Variants in DTNA observed in about 807,000 individuals in gnomAD.
The protein encoded by DTNA is dystrobrevin alpha.
DTNA carries 43 observed loss-of-function variants against 100.7 expected under a neutral mutation model. The ratio of observed to expected loss-of-function variants is 0.43; its 90% CI spans 0.33 to 0.55. The LOEUF (loss-of-function observed/expected upper bound fraction) is 0.55, where lower values mean the gene tolerates loss of function less well. DTNA is among the 20% of genes least tolerant of loss of function. The pLI, the probability that DTNA is intolerant of heterozygous loss-of-function variation, is 0.04. For missense variants in DTNA, 798 were observed against 953.9 expected, an observed-to-expected ratio of 0.84 and a Z score of 2.15; for synonymous variants, 349 against 347.9, an observed-to-expected ratio of 1.00 and a Z score of -0.04.
chr18:34,799,405 C>A (rs2095119311), intron 4 of DTNA, among the ~76,000 whole-genome samples: 1 of 152,106 alleles, frequency 6.6e-6, no homozygotes, highest in South Asian at 2.1e-4. Context: ...ATATTTAATG[C>A]AAAATGTACT....
intron 1 of DTNA, among the ~76,000 whole-genome samples, chr18:34,726,630 C>A (rs1322673335): frequency 6.6e-6 from 1 of 152,212 alleles, no homozygotes; most frequent in Non-Finnish European, 1.5e-5. Context: ...TCCTTCACTC[C>A]TTGTCCTGAA....
At chr18:34,670,815 G>T (rs1215833443) in intron 1 of DTNA, among the ~76,000 whole-genome samples, 1 of 152,174 alleles carries the variant, frequency 6.6e-6, no homozygotes, top group African/African-American at 2.4e-5. Flanking sequence ...AGCCGTGTGA[G>T]GTGTCAGTCT....
At chr18:34,659,884 A>G (rs1002692175) in intron 1 of DTNA, among the ~76,000 whole-genome samples, 1 of 152,206 alleles carries the variant, frequency 6.6e-6, no homozygotes, top group African/African-American at 2.4e-5. Flanking sequence ...ATGGCTGCCT[A>G]CGGCTGCTGA....
chr18:34,778,887 G>A (rs938848415), intron 3 of DTNA, among the ~76,000 whole-genome samples: 7 of 151,914 alleles, frequency 4.6e-5, no homozygotes, highest in Admixed American at 2.6e-4. Context: ...GCGTGATCTC[G>A]GCTCACTGCA....
chr18:34,609,384 A>G (rs573583523), intron 1 of DTNA, among the ~76,000 whole-genome samples: 86 of 151,630 alleles, frequency 5.7e-4, no homozygotes, highest in African/African-American at 1.8e-3. Flanking sequence ...GGCTGGGACT[A>G]CAGGTACCCG....
At chr18:34,666,186 T>G (rs1464294417) in intron 1 of DTNA, among the ~76,000 whole-genome samples, 1 of 152,232 alleles carries the variant, frequency 6.6e-6, no homozygotes, top group African/African-American at 2.4e-5. Flanking sequence ...TGATGAGCAT[T>G]TTTTCATGTG....
chr18:34,736,253 C>T (rs2089557871), intron 1 of DTNA, among the ~76,000 whole-genome samples: 1 of 152,196 alleles, frequency 6.6e-6, no homozygotes, highest in African/African-American at 2.4e-5. Flanking sequence ...TACTCACACA[C>T]TACACATATG....
chr18:34,672,576 C>T (rs953627911), intron 1 of DTNA, among the ~76,000 whole-genome samples: 3 of 152,062 alleles, frequency 2.0e-5, no homozygotes, highest in Non-Finnish European at 2.9e-5. Flanking sequence ...GTATAAAGTA[C>T]GTGAATAAAG....
At chr18:34,518,323 A>G (rs1328533242) in intron 1 of DTNA, among the ~76,000 whole-genome samples, 2 of 151,686 alleles carry the variant, frequency 1.3e-5, no homozygotes, top group Non-Finnish European at 2.9e-5. Flanking sequence ...TTTATATTCT[A>G]TATGTTGGAT....
intron 1 of DTNA, among the ~76,000 whole-genome samples, chr18:34,525,523 T>C (rs2042534686): frequency 6.6e-6 from 1 of 152,170 alleles, no homozygotes; most frequent in Admixed American, 6.6e-5. Context: ...GGAGGAAATG[T>C]TTAGATCTTT....
In DTNA at chr18:34,816,027, T is replaced by A; in HGVS notation, c.709+13T>A. ...AATGTGGAAAATGGTGAGTAGTTAC[T>A]AAGGAGCAAAGGTGATTTTTTAAAT... On this transcript the variant is annotated intron_variant, in intron 7 of 22. Transcript: ENST00000444659. 6.2e-7 allele frequency: 1 copy of A among 1,609,192 alleles called. No individual in the cohort carries two copies.
intron 3 of DTNA, among the ~76,000 whole-genome samples, chr18:34,775,664 G>T (rs1355630097): frequency 6.6e-6 from 1 of 152,222 alleles, no homozygotes; most frequent in African/African-American, 2.4e-5. Context: ...CTGACAGCCA[G>T]CAAGGAATAG....
chr18:34,713,573 T>A (rs1433011950), intron 1 of DTNA, among the ~76,000 whole-genome samples: 1 of 151,750 alleles, frequency 6.6e-6, no homozygotes, highest in Non-Finnish European at 1.5e-5. Flanking sequence ...GTGTGATGCC[T>A]CCAGCTTTGT....
At chr18:34,844,488 G>A (rs780745960) in intron 13 of DTNA, among the ~76,000 whole-genome samples, 2 of 151,914 alleles carry the variant, frequency 1.3e-5, no homozygotes, top group African/African-American at 4.8e-5. Flanking sequence ...TATTCCCTTA[G>A]CATTTTGCTC....
chr18:34,696,759 A>T (rs936862685), intron 1 of DTNA, among the ~76,000 whole-genome samples: 1 of 151,962 alleles, frequency 6.6e-6, no homozygotes, highest in African/African-American at 2.4e-5. Flanking sequence ...ATTTTTTTTT[A>T]ATTTAAATGA....
chr18:34,628,657 T>C (rs188035164), intron 1 of DTNA, among the ~76,000 whole-genome samples: 1 of 152,336 alleles, frequency 6.6e-6, no homozygotes, highest in African/African-American at 2.4e-5. Flanking sequence ...CTTTATTTGT[T>C]GTAATTGTCA....
At chr18:34,552,726 C>T (rs2045575504) in intron 1 of DTNA, among the ~76,000 whole-genome samples, 1 of 151,576 alleles carries the variant, frequency 6.6e-6, no homozygotes, top group African/African-American at 2.4e-5. Context: ...TTTATGGTTG[C>T]ATAGTATTCC....
In DTNA at chr18:34,866,243, G is replaced by A. The variant is rs554637066; in HGVS notation, c.1743+2181G>A. 29 of 1,599,534 alleles carry A rather than the reference G, an allele frequency of 1.8e-5. No individual in the cohort carries two copies. The South Asian group carries it at 2.3e-4, about 13-fold the overall frequency. ...ATGTTCATGCTTCAGTTTGGAAAGA[G>A]AAAAAAGTCATACTAATTTGCTTCT... On this transcript the variant is annotated intron_variant, in intron 17 of 22. Coordinates refer to ENST00000444659, the MANE Select transcript of DTNA (RefSeq NM_001386795.1).
In DTNA at chr18:34,818,876, T is replaced by C. The variant is rs147908958; in HGVS notation, c.876+546T>C. Among the ~76,000 whole-genome samples the C allele has an allele frequency of 2.2e-4, 34 of 151,952 alleles. No homozygotes were observed. In the East Asian group the frequency reaches 6.0e-3, roughly 27 times the overall value. Reference sequence around the variant, plus strand: ...TAGCAAACCATCTTTTCATGAAGAGTGTGAGTGACCAACCTGGCAAAGGTG... The same window carrying C: ...TAGCAAACCATCTTTTCATGAAGAGCGTGAGTGACCAACCTGGCAAAGGTG... On this transcript the variant is annotated intron_variant, in intron 8 of 22. Coordinates refer to ENST00000444659, the MANE Select transcript of DTNA (RefSeq NM_001386795.1).
Sources: allele counts gnomAD v4.1 joint callset (sites outside exome capture counted in the v4.1 genomes callset), GRCh38; gene constraint gnomAD v4.1.1; transcripts MANE v1.5; gene names NCBI Gene and HGNC (gene_info 2026-07-23, HGNC 2026-07-21).